The following LDLRAD4 variants were observed in gnomAD, a reference collection of about 807,000 sequenced individuals.
The protein encoded by LDLRAD4 is low density lipoprotein receptor class A domain containing 4, also known as low-density lipoprotein receptor class A domain-containing protein 4.
Under a neutral mutation model 17.0 loss-of-function variants are expected in LDLRAD4, and 5 were observed. The ratio of observed to expected loss-of-function variants is 0.29; its 90% CI spans 0.15 to 0.62. The LOEUF (loss-of-function observed/expected upper bound fraction) is 0.62. Ranked by LOEUF, LDLRAD4 falls within the 20% of genes least tolerant of loss-of-function variation. The pLI, the probability that LDLRAD4 is intolerant of heterozygous loss-of-function variation, is 0.84. For synonymous variants in LDLRAD4, 168 were observed against 171.8 expected (o/e 0.98, Z 0.17); for missense variants, 340 against 424.7 (o/e 0.80, Z 1.75).
rs1233023596 is a variant in LDLRAD4 at position 13,386,946 on chromosome 18, AGATGGATGGATG to A, written c.-382-391_-382-380del. On this transcript the variant is annotated intron_variant, in intron 1 of 5. Transcript: ENST00000359446. Reference sequence around the variant, plus strand: ...TAGATAGATAGATAGATAGATAGATAGATGGATGGATGGATAGATAAGATAGATAGATAGAAT... The same window carrying A: ...TAGATAGATAGATAGATAGATAGATAGATAGATAAGATAGATAGATAGAAT... Among the ~76,000 whole-genome samples the A allele has an allele frequency of 4.5e-3, 445 of 98,424 alleles. 4 individuals are homozygous for A. Among genetic ancestry groups the A allele is most frequent in the East Asian group, 0.029 (87 of 2,966 alleles). 64.6% of individuals were successfully genotyped at this position (98,424 alleles called of 152,430 possible).
intron 3 of LDLRAD4, among the ~76,000 whole-genome samples, chr18:13,619,990 A>C (rs2040461928): frequency 6.6e-6 from 1 of 151,574 alleles, no homozygotes; most frequent in East Asian, 2.0e-4. Context: ...TGGGGGTCTG[A>C]GGGTGGAAGT....
intron 3 of LDLRAD4, among the ~76,000 whole-genome samples, chr18:13,616,873 C>A (rs897644345): frequency 1.3e-5 from 2 of 152,196 alleles, no homozygotes; most frequent in Non-Finnish European, 2.9e-5. Flanking sequence ...TCTGAGCATG[C>A]CCATGAACTT....
At chr18:13,466,773 G>C (rs2092631607) in intron 3 of LDLRAD4, among the ~76,000 whole-genome samples, 1 of 152,212 alleles carries the variant, frequency 6.6e-6, no homozygotes, top group Admixed American at 6.5e-5. Context: ...GGCACCACCA[G>C]ATTCTGTGTC....
chr18:13,349,581 T>C (rs956141777), intron 1 of LDLRAD4, among the ~76,000 whole-genome samples: 2 of 152,196 alleles, frequency 1.3e-5, no homozygotes, highest in African/African-American at 4.8e-5. Context: ...CTCTCAGCTT[T>C]TGTTGATCTG....
chr18:13,630,565 A>G (rs957147437), intron 4 of LDLRAD4, among the ~76,000 whole-genome samples: 1 of 152,162 alleles, frequency 6.6e-6, no homozygotes, highest in Admixed American at 6.5e-5. Flanking sequence ...ACATTCATTC[A>G]CTGGGAGGTT....
intron 1 of LDLRAD4, among the ~76,000 whole-genome samples, chr18:13,318,692 AT>A (rs1018841986): frequency 1.3e-5 from 2 of 152,122 alleles, no homozygotes; most frequent in African/African-American, 2.4e-5. Context: ...CATTCCGGGG[AT>A]TTCAAAGCCA....
Position 13,382,236 on chromosome 18 carries a change from C to T in LDLRAD4, c.-382-5105C>T, listed in dbSNP as rs141639520. On this transcript the variant is annotated intron_variant, in intron 1 of 5. Coordinates refer to ENST00000359446, the Ensembl canonical transcript of LDLRAD4. ...CCATTGGATTTTGGCCTCCGTGCCC[C>T]TGTGTGACCCTCACATTTCCTGAAC... Among the ~76,000 whole-genome samples, 27 of 152,340 alleles carry T rather than the reference C, an allele frequency of 1.8e-4. No individual in the cohort carries two copies. In the East Asian group the frequency reaches 3.1e-3, roughly 17 times the overall value.
In LDLRAD4 at chr18:13,621,090, G is replaced by T. The variant is rs539962881; in HGVS notation, c.182-27G>T. 1.2e-6 allele frequency: 2 copies of T among 1,614,112 alleles called. No homozygotes were observed. Among genetic ancestry groups the T allele is most frequent in the African/African-American group, 1.3e-5 (1 of 75,060 alleles). ...GGGTGGGGACTGGAGGGGCCAGGTG[G>T]CTAACCACTCTCCTCTTCCATGGCA... On this transcript the variant is annotated intron_variant, in intron 3 of 5. Coordinates refer to ENST00000359446, the Ensembl canonical transcript of LDLRAD4. This position sits in a 1 kb window ranked among gnomAD's most constrained non-coding sequence, Gnocchi z 5.5.
intron 2 of LDLRAD4, among the ~76,000 whole-genome samples, chr18:13,437,676 G>T (rs1006584454): frequency 2.0e-5 from 3 of 152,180 alleles, no homozygotes; most frequent in Non-Finnish European, 4.4e-5. Flanking sequence ...TGCTACCCAT[G>T]CCTGGTATTA....
At chr18:13,497,336 C>G (rs1047260027) in intron 3 of LDLRAD4, among the ~76,000 whole-genome samples, 12 of 134,212 alleles carry the variant, frequency 8.9e-5, no homozygotes, top group African/African-American at 3.0e-4. Context: ...GCCACCATGC[C>G]TAGCTAATTT....
At chr18:13,486,368 A>G (rs1351265682) in intron 3 of LDLRAD4, 1 of 152,276 alleles carries the variant, frequency 6.6e-6, no homozygotes. Context: ...TTGGCTAAGC[A>G]TACAAACAAA....
At chr18:13,287,695 A>G (rs1599137820) in intron 1 of LDLRAD4, among the ~76,000 whole-genome samples, 1 of 152,316 alleles carries the variant, frequency 6.6e-6, no homozygotes, top group Admixed American at 6.5e-5. Context: ...CTTAGTGTGG[A>G]TGGATGGAGA....
chr18:13,600,351 G>C (rs1252824561), intron 3 of LDLRAD4, among the ~76,000 whole-genome samples: 14 of 152,178 alleles, frequency 9.2e-5, no homozygotes, highest in Non-Finnish European at 2.9e-5. Context: ...AAGTGTGCAA[G>C]ACATTGATTT....
At chr18:13,466,536 A>G (rs998500146) in intron 3 of LDLRAD4, among the ~76,000 whole-genome samples, 1 of 152,086 alleles carries the variant, frequency 6.6e-6, no homozygotes, top group Admixed American at 6.5e-5. Flanking sequence ...TGAAAGAAAA[A>G]AAATGAGATC....
At chr18:13,611,929 AGCCCGCAGCCTG>A in intron 3 of LDLRAD4, 7 of 985,436 alleles carry the variant, frequency 7.1e-6, no homozygotes, top group Non-Finnish European at 7.2e-6. Flanking sequence ...AGAAGAGGAC[AGCCCGCAGCCTG>A]GCTCGCAGCC....
At chr18:13,459,361 A>C (rs2092313424) in intron 3 of LDLRAD4, among the ~76,000 whole-genome samples, 1 of 112,904 alleles carries the variant, frequency 8.9e-6, no homozygotes, top group East Asian at 2.5e-4. Context: ...ATTAAAAAAT[A>C]ACATTTGGTG....
At chr18:13,494,261 A>C (rs2093416057) in intron 3 of LDLRAD4, among the ~76,000 whole-genome samples, 1 of 152,134 alleles carries the variant, frequency 6.6e-6, no homozygotes, top group Non-Finnish European at 1.5e-5. Flanking sequence ...GAGGAAATAA[A>C]ATCTTCATTC....
chr18:13,383,096 A>G (rs933050408), intron 1 of LDLRAD4, among the ~76,000 whole-genome samples: 2 of 152,236 alleles, frequency 1.3e-5, no homozygotes, highest in African/African-American at 4.8e-5. Context: ...GCTGAGGAGC[A>G]GCACCTCCAC....
chr18:13,399,503 G>T (rs2086980765), intron 2 of LDLRAD4, among the ~76,000 whole-genome samples: 1 of 152,234 alleles, frequency 6.6e-6, no homozygotes, highest in South Asian at 2.1e-4. Flanking sequence ...AATAGTTATT[G>T]TTATTTCAGG....
Sources: gnomAD v4.1 joint callset for allele counts (sites outside exome capture counted in the v4.1 genomes callset) on GRCh38, gnomAD v4.1.1 for gene constraint, Gnocchi (gnomAD v3.1) non-coding constraint, MANE v1.5 for transcripts, NCBI Gene and HGNC (gene_info 2026-07-23, HGNC 2026-07-21) for gene names.